MKLN1: variants seen among roughly 807,000 people sequenced by gnomAD.
MKLN1 encodes the protein muskelin 1.
Under a neutral mutation model 99.0 loss-of-function variants are expected in MKLN1, and 18 were observed. The observed-to-expected ratio is 0.18, with a 90% CI of 0.13 to 0.27. The LOEUF is 0.27. Ranked by LOEUF, MKLN1 falls within the 10% of genes least tolerant of loss-of-function variation. The pLI is 1.00. For synonymous variants in MKLN1, 288 were observed against 293.2 expected, an observed-to-expected ratio of 0.98 and a Z score of 0.18; for missense variants, 621 against 875.9, an observed-to-expected ratio of 0.71 and a Z score of 3.67.
intron 12 of MKLN1, 63 bp from the exon 13 acceptor site, chr7:131,463,154 G>T: frequency 7.4e-7 from 1 of 1,344,594 alleles, no homozygotes; most frequent in Non-Finnish European, 1.0e-6. Flanking sequence ...AAGGAAGGAA[G>T]GAAGGAAATA....
At chr7:131,457,991 TTCAGATTGGCGAAAGAGC>T (rs1796400542) in intron 12 of MKLN1, among the ~76,000 whole-genome samples, 2 of 152,272 alleles carry the variant, frequency 1.3e-5, no homozygotes, top group South Asian at 4.1e-4. Flanking sequence ...GGTGAAAGAC[TTCAGATTGGCGAAAGAGC>T]TCATAGTGTA....
At chr7:131,427,324 G>A (rs1328933364) in intron 8 of MKLN1, among the ~76,000 whole-genome samples, 1 of 152,168 alleles carries the variant, frequency 6.6e-6, no homozygotes, top group East Asian at 1.9e-4. Context: ...TAGTCTTCTA[G>A]CATTTCCAAG....
chr7:131,301,039 C>T (rs1798370869), intron 3 of MKLN1, among the ~76,000 whole-genome samples: 1 of 152,170 alleles, frequency 6.6e-6, no homozygotes, highest in Non-Finnish European at 1.5e-5. Flanking sequence ...AAGTCTCAAT[C>T]TTGGCTGTAC....
chr7:131,353,391 C>A (rs1019042499), intron 1 of MKLN1, among the ~76,000 whole-genome samples: 2 of 151,984 alleles, frequency 1.3e-5, no homozygotes, highest in Admixed American at 1.3e-4. Context: ...ATCTGTATAA[C>A]TGCTTACTGG....
At chr7:131,456,114 A>G (rs1328985269) in intron 12 of MKLN1, among the ~76,000 whole-genome samples, 2 of 152,060 alleles carry the variant, frequency 1.3e-5, no homozygotes, top group African/African-American at 2.4e-5. Flanking sequence ...CATCTTGCAA[A>G]GAAAATCAGT....
intron 8 of MKLN1, among the ~76,000 whole-genome samples, chr7:131,427,443 G>A (rs911622056): frequency 2.6e-5 from 4 of 152,142 alleles, no homozygotes; most frequent in African/African-American, 4.8e-5. Flanking sequence ...TACAGTTTTC[G>A]TATAGTGTTT....
chr7:131,177,120 T>A (rs981465735), intron 2 of MKLN1, among the ~76,000 whole-genome samples: 1 of 152,234 alleles, frequency 6.6e-6, no homozygotes, highest in Non-Finnish European at 1.5e-5. Context: ...TTTTGTACCC[T>A]ACACAATCTT....
At chr7:131,223,726 T>TG (rs1228677193) in intron 3 of MKLN1, among the ~76,000 whole-genome samples, 13 of 152,170 alleles carry the variant, frequency 8.5e-5, no homozygotes, top group Admixed American at 2.6e-4. Flanking sequence ...CACTTCTGAG[T>TG]TACAGCCTCA....
chr7:131,122,521 T>C (rs1331929938), intron 1 of MKLN1, among the ~76,000 whole-genome samples: 1 of 152,230 alleles, frequency 6.6e-6, no homozygotes, highest in African/African-American at 2.4e-5. Context: ...TCCTCGTCTA[T>C]GACTCCACCA....
rs144570369 is a variant in MKLN1, at chr7:131,280,311, G to A, written c.-179+77337G>A. On this transcript the variant is annotated intron_variant, in intron 3 of 7. Coordinates refer to the MKLN1 transcript ENST00000416992. ...TGGACATACGTTTTCATTTCTCTTG[G>A]TATATATATGGCTAGGAGTAGAATT... Among the ~76,000 whole-genome samples the A allele has an allele frequency of 1.2e-3, 185 of 152,186 alleles. 1 individual carries two copies. The highest frequency in any genetic ancestry group is 4.1e-3 in the African/African-American group (169 of 41,492).
At chr7:131,212,042 G>A (rs1357613765) in intron 3 of MKLN1, among the ~76,000 whole-genome samples, 1 of 152,218 alleles carries the variant, frequency 6.6e-6, no homozygotes, top group Admixed American at 6.5e-5. Flanking sequence ...TTATTCCCAA[G>A]CAGGCCTCAG....
rs182831558 is a variant in MKLN1, at chr7:131,162,762, C to T, written c.-297+19821C>T. Among the ~76,000 whole-genome samples the T allele has an allele frequency of 1.6e-3, 243 of 152,196 alleles. 1 individual carries two copies. Among genetic ancestry groups the T allele is most frequent in the African/African-American group, 5.5e-3 (228 of 41,512 alleles). ...TACGTGTGAAATACACATTGGACTTCGAAAACTTAGTGCAAAAAACAGAAT... is the reference window on the plus strand; with the variant it reads ...TACGTGTGAAATACACATTGGACTTTGAAAACTTAGTGCAAAAAACAGAAT... On this transcript the variant is annotated intron_variant, in intron 2 of 7. Transcript: ENST00000416992.
intron 3 of MKLN1, among the ~76,000 whole-genome samples, chr7:131,205,382 T>A (rs1796794389): frequency 6.6e-6 from 1 of 152,234 alleles, no homozygotes. Context: ...TTAATATTTG[T>A]TTTCCGATCG....
intron 2 of MKLN1, among the ~76,000 whole-genome samples, chr7:131,380,529 A>G (rs1304895924): frequency 6.6e-6 from 1 of 152,216 alleles, no homozygotes; most frequent in Non-Finnish European, 1.5e-5. Flanking sequence ...GAAATTTAGT[A>G]TACTTTATGT....
chr7:131,328,724 T>C (rs1798973491), intron 1 of MKLN1, among the ~76,000 whole-genome samples: 1 of 152,172 alleles, frequency 6.6e-6, no homozygotes, highest in African/African-American at 2.4e-5. Context: ...AACTCAAACA[T>C]AGAAACATCT....
chr7:131,457,472 A>C (rs1796380391), intron 12 of MKLN1, among the ~76,000 whole-genome samples: 1 of 152,214 alleles, frequency 6.6e-6, no homozygotes, highest in African/African-American at 2.4e-5. Flanking sequence ...GAGTGAATTA[A>C]TCAGTTGGAA....
intron 7 of MKLN1, 60 bp from the exon 8 acceptor site, chr7:131,414,585 T>A: frequency 8.4e-7 from 1 of 1,191,502 alleles, no homozygotes; most frequent in Non-Finnish European, 1.2e-6. Flanking sequence ...ATGAATAAAT[T>A]TACTCTGGAT....
intron 2 of MKLN1, among the ~76,000 whole-genome samples, chr7:131,192,346 T>C (rs188049366): frequency 3.9e-3 from 375 of 95,690 alleles, no homozygotes; most frequent in African/African-American, 0.018. Context: ...ATATAAAATA[T>C]AATATATACA....
At chr7:131,152,394 A>G (rs149417666) in intron 2 of MKLN1, among the ~76,000 whole-genome samples, 1 of 152,284 alleles carries the variant, frequency 6.6e-6, no homozygotes, top group Non-Finnish European at 1.5e-5. Flanking sequence ...TCATATCTAC[A>G]TTAACTAATA....
Sources: gnomAD v4.1 joint callset for allele counts (sites outside exome capture counted in the v4.1 genomes callset) on GRCh38, gnomAD v4.1.1 for gene constraint, MANE v1.5 for transcripts, NCBI Gene and HGNC (gene_info 2026-07-23, HGNC 2026-07-21) for gene names.